The following LRRN2 variants were observed in gnomAD, a reference collection of about 807,000 sequenced individuals.
LRRN2 encodes leucine-rich repeat neuronal protein 2.
Under a neutral mutation model 35.7 loss-of-function variants are expected in LRRN2, and 10 were observed. The ratio of observed to expected loss-of-function variants is 0.28; its 90% CI spans 0.17 to 0.47. LRRN2 has a LOEUF of 0.47. LRRN2 is among the 20% of genes least tolerant of loss of function. LRRN2 has a pLI of 0.99. For synonymous variants in LRRN2, 391 were observed against 409.6 expected, an observed-to-expected ratio of 0.95 and a Z score of 0.55; for missense variants, 731 against 940.3, an observed-to-expected ratio of 0.78 and a Z score of 2.91.
chr1:204,635,644 A>T (rs1175639353), intron 1 of LRRN2, among the ~76,000 whole-genome samples: 2 of 152,246 alleles, frequency 1.3e-5, no homozygotes, highest in East Asian at 3.8e-4. Context: ...TTCATCTTAA[A>T]TAAATGTTCC....
chr1:204,625,501 A>C (rs1667275479), intron 1 of LRRN2, among the ~76,000 whole-genome samples: 1 of 104,208 alleles, frequency 9.6e-6, no homozygotes, highest in Non-Finnish European at 2.4e-5. Context: ...GAGAATACAT[A>C]AATGTCCCTG....
rs1558394658 is a variant in LRRN2, at chr1:204,619,768, G to C, written c.225C>G (p.Leu75=). ...PALPAGTQTL[L]LQSNSIVRVD... is the part of the protein sequence containing the mutation. Reference sequence around the variant, plus strand: ...CACGGACAATGCTGTTGCTCTGCAGGAGCAGGGTCTGTGTGCCTGCGGGGA... The same window carrying C: ...CACGGACAATGCTGTTGCTCTGCAGCAGCAGGGTCTGTGTGCCTGCGGGGA... Residue 75 remains leucine, a synonymous_variant, in exon 2 of 2, where the codon CTC becomes CTG. Transcript: ENST00000367177. The C allele has an allele frequency of 1.2e-6, 2 of 1,614,258 alleles. No homozygotes were observed. Among genetic ancestry groups the C allele is most frequent in the East Asian group, 2.2e-5 (1 of 44,894 alleles).
At chr1:204,666,855 G>A (rs561409994) in intron 1 of LRRN2, among the ~76,000 whole-genome samples, 3 of 151,620 alleles carry the variant, frequency 2.0e-5, no homozygotes, top group South Asian at 2.1e-4. Flanking sequence ...CCAGCTACTC[G>A]GGAGGCTGAG....
At chr1:204,644,555 TA>T (rs1668057707) in intron 1 of LRRN2, among the ~76,000 whole-genome samples, 1 of 152,172 alleles carries the variant, frequency 6.6e-6, no homozygotes, top group African/African-American at 2.4e-5. Flanking sequence ...ATTCTCTTAT[TA>T]GGGAGCTCAT....
chr1:204,644,727 C>T (rs1459866196), intron 1 of LRRN2, among the ~76,000 whole-genome samples: 3 of 152,242 alleles, frequency 2.0e-5, no homozygotes, highest in African/African-American at 7.2e-5. Flanking sequence ...CTGGGCCTCC[C>T]TCATCCCTAG....
intron 1 of LRRN2, among the ~76,000 whole-genome samples, chr1:204,660,192 CCCGT>C (rs1385166647): frequency 2.7e-4 from 41 of 151,370 alleles, no homozygotes; most frequent in East Asian, 7.8e-4. Context: ...CTCCAGGTCT[CCCGT>C]CCACCCTCGT....
chr1:204,644,306 T>C (rs1668052565), intron 1 of LRRN2, among the ~76,000 whole-genome samples: 1 of 152,182 alleles, frequency 6.6e-6, no homozygotes, highest in Non-Finnish European at 1.5e-5. Flanking sequence ...CCATCTGGGC[T>C]TTCCATCTGT....
At chr1:204,659,609 GGTGTGTGT>G (rs113175099) in intron 1 of LRRN2, among the ~76,000 whole-genome samples, 26 of 148,166 alleles carry the variant, frequency 1.8e-4, no homozygotes, top group Admixed American at 7.4e-4. Flanking sequence ...TCTACCTTCA[GGTGTGTGT>G]GTGTGTGTGT....
chr1:204,624,850 C>T (rs1381867164), intron 1 of LRRN2, among the ~76,000 whole-genome samples: 1 of 151,650 alleles, frequency 6.6e-6, no homozygotes, highest in African/African-American at 2.4e-5. Flanking sequence ...CACCCTTCTC[C>T]CCACAAAGCT....
chr1:204,670,270 C>A (rs1473336881), intron 1 of LRRN2, among the ~76,000 whole-genome samples: 1 of 152,108 alleles, frequency 6.6e-6, no homozygotes, highest in Non-Finnish European at 1.5e-5. Flanking sequence ...GAAGAGCTGA[C>A]AGTGACTCCC....
At chr1:204,675,968 TGG>T (rs1157058550) in intron 1 of LRRN2, among the ~76,000 whole-genome samples, 4 of 152,146 alleles carry the variant, frequency 2.6e-5, no homozygotes, top group African/African-American at 9.7e-5. Flanking sequence ...TGCAGAGAGA[TGG>T]GTCTCTATGC....
intron 1 of LRRN2, among the ~76,000 whole-genome samples, chr1:204,635,725 AGCT>A (rs1260046715): frequency 2.6e-5 from 4 of 152,210 alleles, no homozygotes; most frequent in African/African-American, 9.6e-5. Context: ...CTGAGCAAGG[AGCT>A]GCTGCTGCTC....
rs34779515 is a variant in LRRN2, at chr1:204,657,341, T to TACACAC, written c.-227+27973_-227+27978dup. 5.2e-3 allele frequency among the ~76,000 whole-genome samples: 764 copies of TACACAC among 147,048 alleles called. 3 individuals carry two copies. The highest frequency in any genetic ancestry group is 0.017 in the African/African-American group (687 of 39,572). On this transcript the variant is annotated intron_variant, in intron 1 of 1. Coordinates refer to ENST00000367177, the MANE Select transcript of LRRN2 (RefSeq NM_201630.2). Reference sequence around the variant, plus strand: ...CTATGTGTCTATATATATGTATATATACACACACACACACACACACACACA... The same window carrying TACACAC: ...CTATGTGTCTATATATATGTATATATACACACACACACACACACACACACACACACA...
chr1:204,676,253 C>A (rs1389424852), intron 1 of LRRN2, among the ~76,000 whole-genome samples: 1 of 152,004 alleles, frequency 6.6e-6, no homozygotes, highest in East Asian at 1.9e-4. Flanking sequence ...TCTTGTCTTT[C>A]CACACTTTGA....
Position 204,619,063 on chromosome 1 carries a change from G to C in LRRN2, c.930C>G (p.Pro310=). The change falls in exon 2 of 2, where the codon CCC becomes CCG. Residue 310 remains proline, a synonymous_variant. Transcript: ENST00000367177. ...TGGTGATGTCCAGCTTGGTCAGCTCGGGGAGGTTCACCAGGGCAAACTTGT... is the reference window on the plus strand; with the variant it reads ...TGGTGATGTCCAGCTTGGTCAGCTCCGGGAGGTTCACCAGGGCAAACTTGT... The part of the protein sequence containing the change: ...SIDKFALVNL[P]ELTKLDITNN... The C allele has an allele frequency of 1.2e-6, 2 of 1,606,684 alleles. No individual in the cohort carries two copies. The highest frequency in any genetic ancestry group is 1.7e-6 in the Non-Finnish European group (2 of 1,175,432).
chr1:204,668,786 C>T (rs762614677), intron 1 of LRRN2, among the ~76,000 whole-genome samples: 21 of 152,144 alleles, frequency 1.4e-4, no homozygotes, highest in Non-Finnish European at 2.8e-4. Flanking sequence ...AAATCGAACA[C>T]GATAATATAT....
intron 1 of LRRN2, among the ~76,000 whole-genome samples, chr1:204,643,435 T>C (rs1668029128): frequency 6.6e-6 from 1 of 152,202 alleles, no homozygotes; most frequent in Non-Finnish European, 1.5e-5. Context: ...TAAGTGCTGT[T>C]CTAGTCCTTG....
chr1:204,650,235 A>T (rs1199906059), intron 1 of LRRN2, among the ~76,000 whole-genome samples: 1 of 152,200 alleles, frequency 6.6e-6, no homozygotes, highest in African/African-American at 2.4e-5. Context: ...CATTAGTCCA[A>T]ATTAAAATCA....
intron 1 of LRRN2, among the ~76,000 whole-genome samples, chr1:204,641,501 A>ATTT (rs1667976165): frequency 1.3e-5 from 2 of 152,214 alleles, no homozygotes; most frequent in South Asian, 4.1e-4. Context: ...TCTGCCTTGA[A>ATTT]TTTTAATAGG....
Sources: gnomAD v4.1 joint callset for allele counts (sites outside exome capture counted in the v4.1 genomes callset) on GRCh38, gnomAD v4.1.1 for gene constraint, MANE v1.5 for transcripts, NCBI Gene and HGNC (gene_info 2026-07-23, HGNC 2026-07-21) for gene names.